KLF12: variants seen among roughly 807,000 people sequenced by gnomAD.
The protein encoded by KLF12 is KLF transcription factor 12.
Under a neutral mutation model 37.8 loss-of-function variants are expected in KLF12, and 9 were observed. The ratio of observed to expected loss-of-function variants is 0.24; its 90% CI spans 0.14 to 0.42. The LOEUF (loss-of-function observed/expected upper bound fraction) is 0.42, where lower values mean the gene tolerates loss of function less well. Ranked by LOEUF, KLF12 falls within the 10% of genes least tolerant of loss-of-function variation. The pLI, the probability that KLF12 is intolerant of heterozygous loss-of-function variation, is 1.00. For synonymous variants in KLF12, 208 were observed against 202.1 expected (o/e 1.03, Z -0.25); for missense variants, 411 against 516.0 (o/e 0.80, Z 1.97).
At chr13:73,830,864 C>G (rs1311611591) in intron 4 of KLF12, among the ~76,000 whole-genome samples, 1 of 152,082 alleles carries the variant, frequency 6.6e-6, no homozygotes, top group African/African-American at 2.4e-5. Context: ...TTCCCTGCAC[C>G]TAGAAATGTT....
At chr13:73,731,537 A>C (rs1240247526) in intron 6 of KLF12, among the ~76,000 whole-genome samples, 1 of 11,752 alleles carries the variant, frequency 8.5e-5, no homozygotes, top group Admixed American at 7.2e-4. Context: ...GAAATTAGAC[A>C]AAAAAAAAAA....
chr13:73,800,038 A>G (rs1436891797), intron 5 of KLF12: 1 of 152,098 alleles, frequency 6.6e-6, no homozygotes, highest in African/African-American at 2.4e-5. Flanking sequence ...TCCAGAAATC[A>G]GGGGGAAAGA....
chr13:74,207,202 T>C, the KLF12 span, among the ~76,000 whole-genome samples: 3 of 152,204 alleles, frequency 2.0e-5, no homozygotes, highest in Non-Finnish European at 4.4e-5. Flanking sequence ...AGTCCATTCA[T>C]GAGGACAGAG....
At chr13:74,156,550 A>T in the KLF12 span, among the ~76,000 whole-genome samples, 1 of 149,462 alleles carries the variant, frequency 6.7e-6, no homozygotes, top group Admixed American at 6.6e-5. Context: ...TGTGCTATCA[A>T]ATAGTAGATC....
chr13:73,891,447 T>G (rs1465097377), intron 3 of KLF12, among the ~76,000 whole-genome samples: 1 of 152,124 alleles, frequency 6.6e-6, no homozygotes, highest in Non-Finnish European at 1.5e-5. Context: ...TATTCAGTGT[T>G]TTAATATTGA....
chr13:73,707,027 C>T (rs959064532), intron 7 of KLF12, among the ~76,000 whole-genome samples: 6 of 152,146 alleles, frequency 3.9e-5, no homozygotes, highest in Non-Finnish European at 7.3e-5. Context: ...ATTACTTTAC[C>T]GTCCCTGAAG....
Position 73,786,757 on chromosome 13 carries a change from C to CAAA in KLF12, c.807-21760_807-21758dup, listed in dbSNP as rs10568058. 7.6e-3 allele frequency among the ~76,000 whole-genome samples: 900 copies of CAAA among 119,172 alleles called. 6 individuals carry two copies. Among genetic ancestry groups the CAAA allele is most frequent in the Non-Finnish European group, 8.8e-3 (509 of 58,168 alleles). The allele number at this position is 119,172 out of a possible 152,430, so 78.2% of individuals were successfully genotyped here. ...ACGAAAAAAATAAAAATTACAAATA[C>CAAA]AAAAAAAAAAAAAAAAAATTAGCTG... On this transcript the variant is annotated intron_variant, in intron 5 of 7. Transcript: ENST00000377669.
intron 2 of KLF12, among the ~76,000 whole-genome samples, chr13:73,947,507 C>G (rs1381134594): frequency 6.6e-6 from 1 of 151,904 alleles, no homozygotes; most frequent in Non-Finnish European, 1.5e-5. Flanking sequence ...AAAAATTAGC[C>G]AGGCATTGTG....
At chr13:73,852,701 C>T (rs527275965) in intron 3 of KLF12, among the ~76,000 whole-genome samples, 2 of 151,896 alleles carry the variant, frequency 1.3e-5, no homozygotes, top group South Asian at 2.1e-4. Context: ...CACTTGAACC[C>T]AGGAGGCAGA....
chr13:74,090,137 T>C (rs977693479), intron 1 of KLF12, among the ~76,000 whole-genome samples: 47 of 152,106 alleles, frequency 3.1e-4, no homozygotes, highest in Non-Finnish European at 4.4e-5. Flanking sequence ...ACACCTTTTA[T>C]ATACTTGTAT....
chr13:74,186,693 T>A, the KLF12 span, among the ~76,000 whole-genome samples: 2 of 152,204 alleles, frequency 1.3e-5, no homozygotes, highest in Admixed American at 1.3e-4. Flanking sequence ...TTTGTTGTGT[T>A]TTTAAACTAC....
the KLF12 span, among the ~76,000 whole-genome samples, chr13:74,286,438 G>A: frequency 6.6e-6 from 1 of 152,126 alleles, no homozygotes; most frequent in African/African-American, 2.4e-5. Flanking sequence ...AAGATGAAAA[G>A]GGAAACAGTA....
chr13:73,731,884 T>A (rs950290580), intron 6 of KLF12, among the ~76,000 whole-genome samples: 1 of 152,226 alleles, frequency 6.6e-6, no homozygotes, highest in Non-Finnish European at 1.5e-5. Flanking sequence ...AATGCATTTT[T>A]AGCTATGTCT....
the KLF12 span, among the ~76,000 whole-genome samples, chr13:74,302,152 G>C: frequency 6.6e-6 from 1 of 152,084 alleles, no homozygotes; most frequent in Admixed American, 6.6e-5. Context: ...CTAGGCTATT[G>C]AACTTTCAGG....
chr13:73,907,394 C>T (rs1888352619), intron 3 of KLF12, among the ~76,000 whole-genome samples: 1 of 152,142 alleles, frequency 6.6e-6, no homozygotes, highest in Non-Finnish European at 1.5e-5. Flanking sequence ...TTAGACTATC[C>T]TATCCTCTTT....
the KLF12 span, among the ~76,000 whole-genome samples, chr13:74,179,864 C>T: frequency 2.0e-5 from 3 of 152,154 alleles, no homozygotes; most frequent in Non-Finnish European, 4.4e-5. Context: ...GTCCCCCAAT[C>T]GACATCTGGT....
chr13:73,705,654 C>T (rs992726524), intron 7 of KLF12, among the ~76,000 whole-genome samples: 1 of 151,700 alleles, frequency 6.6e-6, no homozygotes, highest in Non-Finnish European at 1.5e-5. Flanking sequence ...TCCATTAAAA[C>T]CACAAATTTT....
intron 1 of KLF12, among the ~76,000 whole-genome samples, chr13:74,043,775 A>G (rs1315051885): frequency 6.6e-6 from 1 of 152,244 alleles, no homozygotes. Context: ...AAATTGGGCA[A>G]TGGATCTAGT....
At chr13:74,071,794 A>G (rs988322389) in intron 1 of KLF12, among the ~76,000 whole-genome samples, 1 of 152,234 alleles carries the variant, frequency 6.6e-6, no homozygotes, top group Non-Finnish European at 1.5e-5. Flanking sequence ...TACGTTAAAG[A>G]GGCAACCCCA....
Sources: allele counts gnomAD v4.1 joint callset (sites outside exome capture counted in the v4.1 genomes callset), GRCh38; gene constraint gnomAD v4.1.1; transcripts MANE v1.5; gene names NCBI Gene and HGNC (gene_info 2026-07-23, HGNC 2026-07-21).